The following SCD5 variants were observed in gnomAD, a reference collection of about 807,000 sequenced individuals.
SCD5 encodes the protein acyl-CoA-desaturase 4.
In SCD5, 20 loss-of-function variants were observed where a neutral mutation model predicts 30.4. The ratio of observed to expected loss-of-function variants is 0.66; its 90% CI spans 0.46 to 0.96. The LOEUF is 0.96. Among genes scored for constraint, SCD5 ranks in the 40% least tolerant of loss-of-function variants. The probability of loss-of-function intolerance (pLI) is 0.00; values close to 1 mark genes in which losing one functional copy is unlikely to be tolerated. For synonymous variants in SCD5, 173 were observed against 176.4 expected (o/e 0.98, Z 0.16); for missense variants, 381 against 443.3 (o/e 0.86, Z 1.26).
chr4:82,770,963 G>C (rs992096124), intron 1 of SCD5, among the ~76,000 whole-genome samples: 13 of 152,072 alleles, frequency 8.5e-5, no homozygotes, highest in African/African-American at 2.9e-4. Context: ...TTTTTTGTTT[G>C]TTTGTTGTTT....
At chr4:82,638,498 A>G (rs1727478192) in intron 3 of SCD5, among the ~76,000 whole-genome samples, 1 of 152,206 alleles carries the variant, frequency 6.6e-6, no homozygotes, top group Admixed American at 6.5e-5. Context: ...TTATCTTCTC[A>G]GGGAATAAAA....
chr4:82,639,114 A>G (rs1727490045), intron 3 of SCD5, among the ~76,000 whole-genome samples: 1 of 152,210 alleles, frequency 6.6e-6, no homozygotes, highest in South Asian at 2.1e-4. Context: ...TGCATGTGTC[A>G]GCTCCCATCA....
intron 1 of SCD5, among the ~76,000 whole-genome samples, chr4:82,744,307 C>T (rs985869942): frequency 1.3e-5 from 2 of 152,216 alleles, no homozygotes; most frequent in Non-Finnish European, 2.9e-5. Context: ...TATCCTCCCA[C>T]TCATACAAAC....
chr4:82,792,738 C>T (rs1722125923), intron 1 of SCD5, among the ~76,000 whole-genome samples: 1 of 152,146 alleles, frequency 6.6e-6, no homozygotes, highest in South Asian at 2.1e-4. Flanking sequence ...AATACATATG[C>T]CCAAATTCTC....
At chr4:82,756,812 C>A (rs1220603609) in intron 1 of SCD5, among the ~76,000 whole-genome samples, 1 of 152,042 alleles carries the variant, frequency 6.6e-6, no homozygotes, top group African/African-American at 2.4e-5. Context: ...AGTCTTGCCC[C>A]CCTCAAATCC....
intron 1 of SCD5, among the ~76,000 whole-genome samples, chr4:82,791,587 T>C (rs1028683392): frequency 6.6e-6 from 1 of 152,086 alleles, no homozygotes; most frequent in Non-Finnish European, 1.5e-5. Flanking sequence ...AAGGCTAACA[T>C]TTACTCTGTG....
At chr4:82,744,176 T>C (rs1293042231) in intron 1 of SCD5, among the ~76,000 whole-genome samples, 1 of 152,176 alleles carries the variant, frequency 6.6e-6, no homozygotes, top group African/African-American at 2.4e-5. Flanking sequence ...TTGACCATGA[T>C]AGTTACATTT....
chr4:82,795,809 CAAAAAAA>C (rs72115040), intron 1 of SCD5, among the ~76,000 whole-genome samples: 197 of 43,910 alleles, frequency 4.5e-3, no homozygotes, highest in Middle Eastern at 0.022. Context: ...CCCTGTCTCA[CAAAAAAA>C]AAAAAAAAAA....
At chr4:82,761,049 G>GTA (rs1721353831) in intron 1 of SCD5, among the ~76,000 whole-genome samples, 1 of 152,196 alleles carries the variant, frequency 6.6e-6, no homozygotes, top group Non-Finnish European at 1.5e-5. Flanking sequence ...GGATGGGCAT[G>GTA]TATTTCACCA....
At chr4:82,658,168 T>C (rs1266367146) in intron 3 of SCD5, among the ~76,000 whole-genome samples, 1 of 152,180 alleles carries the variant, frequency 6.6e-6, no homozygotes, top group Non-Finnish European at 1.5e-5. Flanking sequence ...ATCCTTGTCT[T>C]GTGCTGGTTT....
chr4:82,798,225 G>A (rs1722271586), intron 1 of SCD5, 81 bp downstream of exon 1: 3 of 1,214,906 alleles, frequency 2.5e-6, no homozygotes, highest in African/African-American at 1.6e-5. Flanking sequence ...GCCCGCAGCC[G>A]AGGGGCGAGC....
rs536900691 is a variant in SCD5 at position 82,723,603 on chromosome 4, A to G, written c.233-18190T>C. Among the ~76,000 whole-genome samples, 3 of 152,238 alleles carry G rather than the reference A, an allele frequency of 2.0e-5. No individual in the cohort carries two copies. The South Asian group carries it at 6.2e-4, about 32-fold the overall frequency. ...TAAAGCTTAAAAATTAAAAAACTTT[A>G]AAGTGGAACAAGCAGGCAATTGACA... On this transcript the variant is annotated intron_variant, in intron 1 of 4. Coordinates refer to ENST00000319540, the MANE Select transcript of SCD5 (RefSeq NM_001037582.3).
At chr4:82,704,554 C>A (rs539130141) in intron 2 of SCD5, among the ~76,000 whole-genome samples, 13 of 152,158 alleles carry the variant, frequency 8.5e-5, no homozygotes, top group African/African-American at 3.1e-4. Context: ...CAGTGATGAC[C>A]GTCTCTTACA....
intron 1 of SCD5, among the ~76,000 whole-genome samples, chr4:82,783,030 A>T (rs944136492): frequency 2.0e-5 from 3 of 152,186 alleles, no homozygotes; most frequent in African/African-American, 7.2e-5. Context: ...CACCAGCAAC[A>T]CTTGATAAAA....
chr4:82,753,213 G>C (rs2148843110), intron 1 of SCD5: 1 of 415,020 alleles, frequency 2.4e-6, no homozygotes, highest in East Asian at 7.2e-5. Context: ...TCATGTGAGA[G>C]TTACCTGGGG....
chr4:82,761,889 A>G (rs991236400), intron 1 of SCD5, among the ~76,000 whole-genome samples: 1 of 151,922 alleles, frequency 6.6e-6, no homozygotes, highest in Non-Finnish European at 1.5e-5. Context: ...CTTACACTCC[A>G]TGGCCGGGCG....
chr4:82,772,884 G>A (rs1036918722), intron 1 of SCD5, among the ~76,000 whole-genome samples: 2 of 152,144 alleles, frequency 1.3e-5, no homozygotes, highest in Admixed American at 1.3e-4. Context: ...CATCTAGTAG[G>A]TGCTCAGTAA....
At chr4:82,680,550 A>G (rs1278187874) in intron 3 of SCD5, among the ~76,000 whole-genome samples, 157 bp downstream of exon 3, 1 of 152,228 alleles carries the variant, frequency 6.6e-6, no homozygotes, top group Non-Finnish European at 1.5e-5. Context: ...TAATGAGCAA[A>G]AGGAAATTAA....
At chr4:82,678,236 G>A (rs1463389041) in intron 3 of SCD5, among the ~76,000 whole-genome samples, 1 of 152,074 alleles carries the variant, frequency 6.6e-6, no homozygotes, top group Non-Finnish European at 1.5e-5. Flanking sequence ...TTTAGTTACT[G>A]GACTGGTGAT....
Sources: allele counts gnomAD v4.1 joint callset (sites outside exome capture counted in the v4.1 genomes callset), GRCh38; gene constraint gnomAD v4.1.1; transcripts MANE v1.5; gene names NCBI Gene and HGNC (gene_info 2026-07-23, HGNC 2026-07-21).